The following ARL15 variants were observed in gnomAD, a reference collection of about 807,000 sequenced individuals.
The protein encoded by ARL15 is ARF like GTPase 15.
ARL15 carries 19 observed loss-of-function variants against 25.2 expected under a neutral mutation model. That is an observed-to-expected ratio of 0.75 (90% confidence interval 0.53 to 1.10). ARL15 has a LOEUF of 1.10. ARL15 is among the 50% of genes least tolerant of loss of function. The pLI, the probability that ARL15 is intolerant of heterozygous loss-of-function variation, is 0.00. For missense variants in ARL15, 220 were observed against 246.0 expected, an observed-to-expected ratio of 0.89 and a Z score of 0.71; for synonymous variants, 94 against 86.8, an observed-to-expected ratio of 1.08 and a Z score of -0.46.
At chr5:54,017,370 C>T (rs779576305) in intron 4 of ARL15, among the ~76,000 whole-genome samples, 1 of 151,996 alleles carries the variant, frequency 6.6e-6, no homozygotes, top group Non-Finnish European at 1.5e-5. Flanking sequence ...CTCTGCCAGG[C>T]TCTCCTGGTT....
At chr5:54,138,589 C>T (rs1753674396) in intron 3 of ARL15, among the ~76,000 whole-genome samples, 1 of 152,064 alleles carries the variant, frequency 6.6e-6, no homozygotes, top group African/African-American at 2.4e-5. Context: ...CTAGGAAAAA[C>T]ACTTCTGGAC....
intron 3 of ARL15, among the ~76,000 whole-genome samples, chr5:54,151,006 G>A (rs1240591385): frequency 6.6e-6 from 1 of 152,096 alleles, no homozygotes; most frequent in African/African-American, 2.4e-5. Flanking sequence ...AGGCACAAGA[G>A]CTCAGACTGA....
At chr5:54,135,913 A>T in intron 3 of ARL15, among the ~76,000 whole-genome samples, 1 of 152,200 alleles carries the variant, frequency 6.6e-6, no homozygotes, top group East Asian at 1.9e-4. Flanking sequence ...TCTGAGAAGG[A>T]CAGGTTAGAC....
intron 4 of ARL15, among the ~76,000 whole-genome samples, chr5:53,949,432 C>A (rs1746871898): frequency 6.6e-6 from 1 of 152,120 alleles, no homozygotes; most frequent in African/African-American, 2.4e-5. Context: ...AAAAATGGGT[C>A]TTTTTATGGA....
intron 4 of ARL15, among the ~76,000 whole-genome samples, chr5:53,921,990 T>C (rs564046951): frequency 5.5e-4 from 84 of 152,364 alleles, no homozygotes; most frequent in African/African-American, 1.9e-3. Context: ...TGAAAGTTAA[T>C]GTACACCTTG....
intron 1 of ARL15, among the ~76,000 whole-genome samples, chr5:54,262,778 AT>A (rs887542590): frequency 6.6e-6 from 1 of 151,998 alleles, no homozygotes; most frequent in South Asian, 2.1e-4. Context: ...AAATTCACTT[AT>A]TTTTTCCCCA....
At chr5:54,225,241 G>A (rs1756486347) in intron 1 of ARL15, among the ~76,000 whole-genome samples, 1 of 152,162 alleles carries the variant, frequency 6.6e-6, no homozygotes, top group Admixed American at 6.5e-5. Context: ...AGACTGAAAA[G>A]AAGTGATCAG....
intron 1 of ARL15, among the ~76,000 whole-genome samples, chr5:54,294,987 A>C (rs1361044578): frequency 9.9e-5 from 15 of 152,226 alleles, no homozygotes; most frequent in Non-Finnish European, 2.1e-4. Flanking sequence ...TTCATGGTTT[A>C]ATAATCACTC....
intron 4 of ARL15, chr5:54,048,267 T>A (rs1220296707): frequency 6.6e-6 from 1 of 152,108 alleles, no homozygotes; most frequent in Admixed American, 6.6e-5. Flanking sequence ...TGCTTCAGCC[T>A]CCAGAGTAGC....
chr5:54,040,184 G>A (rs1238430150), intron 4 of ARL15, among the ~76,000 whole-genome samples: 1 of 151,972 alleles, frequency 6.6e-6, no homozygotes, highest in African/African-American at 2.4e-5. Context: ...GACTTGTCTG[G>A]CACCAATGGC....
chr5:54,002,160 AC>A (rs11318363), intron 4 of ARL15, among the ~76,000 whole-genome samples: 41,928 of 152,084 alleles, frequency 0.28, 6,015 homozygotes, highest in East Asian at 0.46. Context: ...TAGATAGAGA[AC>A]TCAGAAATGT....
chr5:54,099,539 T>A (rs1752378563), intron 4 of ARL15, among the ~76,000 whole-genome samples: 1 of 152,202 alleles, frequency 6.6e-6, no homozygotes, highest in Non-Finnish European at 1.5e-5. Context: ...GAATTTATTC[T>A]TTAAGTACCC....
At chr5:54,254,020 T>C (rs1427247982) in intron 1 of ARL15, among the ~76,000 whole-genome samples, 4 of 152,326 alleles carry the variant, frequency 2.6e-5, no homozygotes, top group South Asian at 4.1e-4. Flanking sequence ...CATGGGAGCA[T>C]TGCAAGATAG....
chr5:53,978,915 T>C (rs1580136430), intron 4 of ARL15, among the ~76,000 whole-genome samples: 1 of 152,168 alleles, frequency 6.6e-6, no homozygotes, highest in Admixed American at 6.6e-5. Context: ...GTAAATACAA[T>C]GTTGTATAAA....
intron 3 of ARL15, among the ~76,000 whole-genome samples, chr5:54,148,453 G>T (rs971924143): frequency 6.6e-6 from 1 of 152,164 alleles, no homozygotes; most frequent in Non-Finnish European, 1.5e-5. Context: ...TGCATGGGCC[G>T]AAGCAAACGA....
At chr5:54,116,800 A>C (rs1256987756) in intron 3 of ARL15, among the ~76,000 whole-genome samples, 2 of 152,208 alleles carry the variant, frequency 1.3e-5, no homozygotes, top group Non-Finnish European at 2.9e-5. Flanking sequence ...CGATTATGTA[A>C]CTTGCCCAAG....
rs141166680 is a variant in ARL15 at position 53,885,654 on chromosome 5, T to C, written c.*907A>G. On this transcript the variant is annotated 3_prime_UTR_variant, in exon 5 of 5. Coordinates refer to ENST00000504924, the MANE Select transcript of ARL15 (RefSeq NM_019087.3). The stretch of plus-strand genomic sequence containing the variant: ...CCATGCCATCTTAAACCCTAACCAG[T>C]ATAAATTATACTTTTTCTGGCTGTT... 6.5e-6 allele frequency: 1 copy of C among 152,750 alleles called. No homozygotes were observed. The highest frequency in any genetic ancestry group is 1.9e-4 in the East Asian group (1 of 5,182). The allele number at this position is 152,750 out of a possible 1,614,324, so 9.5% of individuals were successfully genotyped here.
intron 1 of ARL15, among the ~76,000 whole-genome samples, chr5:54,257,157 G>T (rs963129334): frequency 3.9e-5 from 6 of 152,110 alleles, no homozygotes; most frequent in Admixed American, 3.3e-4. Context: ...AACTCTCTCT[G>T]CCAATGATAA....
chr5:53,919,781 C>T lies in ARL15; in HGVS notation c.463-33068G>A, dbSNP rs186258723. On this transcript the variant is annotated intron_variant, in intron 4 of 4. Coordinates refer to ENST00000504924, the MANE Select transcript of ARL15 (RefSeq NM_019087.3). ...TACCATGTGTTTGGATCAGCTCACT[C>T]GTTTCTCATAGCAACCAGTGACATT... 7.3e-4 allele frequency among the ~76,000 whole-genome samples: 111 copies of T among 152,268 alleles called. 1 individual carries two copies. Among genetic ancestry groups the T allele is most frequent in the Non-Finnish European group, 3.4e-4 (23 of 68,032 alleles).
Sources: allele counts gnomAD v4.1 joint callset (sites outside exome capture counted in the v4.1 genomes callset), GRCh38; gene constraint gnomAD v4.1.1; transcripts MANE v1.5; gene names NCBI Gene and HGNC (gene_info 2026-07-23, HGNC 2026-07-21).